CAST: variants seen among roughly 807,000 people sequenced by gnomAD.
CAST encodes the protein MIR583 host.
CAST carries 76 observed loss-of-function variants against 119.6 expected under a neutral mutation model. The observed-to-expected ratio is 0.64, with a 90% CI of 0.53 to 0.77. The LOEUF (loss-of-function observed/expected upper bound fraction) is 0.77. Ranked by LOEUF, CAST falls within the 30% of genes least tolerant of loss-of-function variation. CAST has a pLI of 0.00. For missense variants in CAST, 953 were observed against 946.5 expected (o/e 1.01, Z -0.09); for synonymous variants, 319 against 331.6 (o/e 0.96, Z 0.41).
chr5:96,474,368 G>A, the CAST span, among the ~76,000 whole-genome samples: 5 of 149,542 alleles, frequency 3.3e-5, no homozygotes, highest in African/African-American at 4.9e-5. Context: ...TAGAACTTCC[G>A]TGTCATCCAC....
At chr5:96,355,795 G>A in the CAST span, among the ~76,000 whole-genome samples, 1 of 151,948 alleles carries the variant, frequency 6.6e-6, no homozygotes, top group African/African-American at 2.4e-5. Context: ...TCTGCTTCCT[G>A]GGTTCAAGCG....
chr5:96,509,465 T>C, the CAST span, among the ~76,000 whole-genome samples: 1 of 152,234 alleles, frequency 6.6e-6, no homozygotes, highest in African/African-American at 2.4e-5. Flanking sequence ...ACCAGAAATC[T>C]GACCTTTCAA....
At chr5:96,635,497 A>G (rs1408077991) in intron 1 of CAST, among the ~76,000 whole-genome samples, 1 of 152,212 alleles carries the variant, frequency 6.6e-6, no homozygotes. Flanking sequence ...GCAGGATAAG[A>G]GATAAGCCAT....
chr5:96,264,355 T>C, the CAST span, among the ~76,000 whole-genome samples: 3 of 152,242 alleles, frequency 2.0e-5, no homozygotes, highest in Non-Finnish European at 2.9e-5. Context: ...CCATACTTAA[T>C]AACCCTTTCC....
chr5:96,089,894 C>A, the CAST span, among the ~76,000 whole-genome samples: 1 of 152,020 alleles, frequency 6.6e-6, no homozygotes, highest in Middle Eastern at 3.2e-3. Flanking sequence ...ATTCGTATTT[C>A]TTCTTATTTC....
At chr5:95,989,618 A>C in the CAST span, among the ~76,000 whole-genome samples, 1 of 152,224 alleles carries the variant, frequency 6.6e-6, no homozygotes, top group Non-Finnish European at 1.5e-5. Context: ...AGAACACTCT[A>C]TTAACCTTAT....
At chr5:96,025,472 G>C in the CAST span, among the ~76,000 whole-genome samples, 5 of 152,026 alleles carry the variant, frequency 3.3e-5, no homozygotes, top group African/African-American at 9.7e-5. Context: ...TATAAATTTG[G>C]GGGGGACACA....
At chr5:96,291,843 C>CGTGTGTGT in the CAST span, among the ~76,000 whole-genome samples, 5,763 of 132,880 alleles carry the variant, frequency 0.043, 161 homozygotes, top group Admixed American at 0.096. Context: ...TCCCAGTCTG[C>CGTGTGTGT]GTGTGTGTGT....
At chr5:96,156,418 T>C in the CAST span, among the ~76,000 whole-genome samples, 1 of 152,336 alleles carries the variant, frequency 6.6e-6, no homozygotes, top group Non-Finnish European at 1.5e-5. Context: ...ATCTCTTCTA[T>C]TACTTTCATT....
chr5:96,511,069 G>C, the CAST span, among the ~76,000 whole-genome samples: 57,142 of 152,012 alleles, frequency 0.38, 11,012 homozygotes, highest in East Asian at 0.56. Context: ...TCCTCCCATA[G>C]CCTTTGTGTT....
At chr5:96,072,915 C>A in the CAST span, among the ~76,000 whole-genome samples, 5 of 152,246 alleles carry the variant, frequency 3.3e-5, no homozygotes, top group African/African-American at 1.2e-4. Flanking sequence ...AAGAATGCTT[C>A]ATGGGAACAT....
intron 3 of CAST, chr5:96,702,997 C>A (rs1581029443): frequency 3.2e-6 from 3 of 934,120 alleles, no homozygotes; most frequent in Non-Finnish European, 3.8e-6. Context: ...ACCTGCCCTG[C>A]GTGTCCGGGG....
At chr5:96,198,912 T>A in the CAST span, among the ~76,000 whole-genome samples, 1 of 152,184 alleles carries the variant, frequency 6.6e-6, no homozygotes, top group Admixed American at 6.5e-5. Context: ...ATGTCCATTT[T>A]TCATGTTCCA....
intron 29 of CAST, chr5:96,768,534 A>T: frequency 2.7e-6 from 1 of 372,202 alleles, no homozygotes; most frequent in South Asian, 2.2e-5. Context: ...TTACATAATT[A>T]TACTTACAGT....
chr5:96,477,780 G>A, the CAST span, among the ~76,000 whole-genome samples: 2 of 152,116 alleles, frequency 1.3e-5, no homozygotes, highest in African/African-American at 4.8e-5. Context: ...TTATAATCAA[G>A]GGTTCTAAAA....
At chr5:95,987,476 A>G in the CAST span, among the ~76,000 whole-genome samples, 5 of 152,132 alleles carry the variant, frequency 3.3e-5, no homozygotes, top group Admixed American at 2.6e-4. Flanking sequence ...CCAACCAATT[A>G]AACAAAAATT....
chr5:95,972,763 T>C, the CAST span, among the ~76,000 whole-genome samples: 1 of 152,244 alleles, frequency 6.6e-6, no homozygotes, highest in Non-Finnish European at 1.5e-5. Context: ...CTTTTGGTGT[T>C]ATATCTAAGA....
the CAST span, among the ~76,000 whole-genome samples, chr5:96,474,662 A>T: frequency 6.6e-6 from 1 of 152,060 alleles, no homozygotes; most frequent in East Asian, 1.9e-4. Flanking sequence ...GGCCATGGAA[A>T]CTTCCAGGCC....
chr5:96,208,243 A>T, the CAST span, among the ~76,000 whole-genome samples: 1 of 150,122 alleles, frequency 6.7e-6, no homozygotes, highest in Non-Finnish European at 1.5e-5. Flanking sequence ...ACTAGCAGTT[A>T]ATCTATCTTA....
Sources: allele counts gnomAD v4.1 joint callset (sites outside exome capture counted in the v4.1 genomes callset), GRCh38; gene constraint gnomAD v4.1.1; transcripts MANE v1.5; gene names NCBI Gene and HGNC (gene_info 2026-07-23, HGNC 2026-07-21).